STAB2: variants seen among roughly 807,000 people sequenced by gnomAD.
STAB2 encodes stabilin 2, also known as stabilin-2.
A neutral mutation model predicts 338.1 loss-of-function variants in STAB2; 288 were observed. The ratio of observed to expected loss-of-function variants is 0.85; its 90% CI spans 0.77 to 0.94. STAB2 has a LOEUF of 0.94. STAB2 is among the 40% of genes least tolerant of loss of function. STAB2 has a pLI of 0.00. For missense variants in STAB2, 3,141 were observed against 3,210.1 expected (o/e 0.98, Z 0.52); for synonymous variants, 1,202 against 1,193.3 (o/e 1.01, Z -0.15).
At chr12:103,668,160 G>C (rs187893982) in intron 19 of STAB2, among the ~76,000 whole-genome samples, 1 of 152,180 alleles carries the variant, frequency 6.6e-6, no homozygotes, top group South Asian at 2.1e-4. Flanking sequence ...AGTGGGCATT[G>C]TTGGTTAGAA....
chr12:103,734,310 C>T (rs1355313206), intron 51 of STAB2, among the ~76,000 whole-genome samples: 3 of 150,476 alleles, frequency 2.0e-5, no homozygotes, highest in Non-Finnish European at 4.4e-5. Flanking sequence ...TAGGAACAAG[C>T]GCGATCATAT....
chr12:103,735,905 G>C (rs1232979604), intron 52 of STAB2, among the ~76,000 whole-genome samples: 1 of 152,116 alleles, frequency 6.6e-6, no homozygotes, highest in African/African-American at 2.4e-5. Flanking sequence ...AAAGTATACA[G>C]TCATTCCTTT....
In STAB2 at chr12:103,761,410, GGTGA is replaced by G; in HGVS notation, c.7359+3_7359+6del. 1 of 1,613,142 alleles carries G rather than the reference GGTGA, an allele frequency of 6.2e-7. No homozygotes were observed. Among genetic ancestry groups the G allele is most frequent in the Non-Finnish European group, 8.5e-7 (1 of 1,179,864 alleles). ...CTTTAAAAGCACCCCCTGCCCCCGTGGTGAGTATCTAGGGTCCCTGATAACGGGC... is the reference window on the plus strand; with the variant it reads ...CTTTAAAAGCACCCCCTGCCCCCGTGGTATCTAGGGTCCCTGATAACGGGC... On this transcript the variant is annotated splice_donor_variant and splice_donor_region_variant and intron_variant, in intron 66 of 68. Transcript: ENST00000388887. LOFTEE classifies it high-confidence loss of function.
At position 103,587,562 on chromosome 12, in the gene STAB2, G is replaced by C. The variant is rs1413524830; in HGVS notation, c.81+5G>C. ...CCAGCTGAAACCACAGGGCAGGTAAGAGGAGACTTACATATTTTTTTCATT... is the reference window on the plus strand; with the variant it reads ...CCAGCTGAAACCACAGGGCAGGTAACAGGAGACTTACATATTTTTTTCATT... On this transcript the variant is annotated splice_donor_5th_base_variant and intron_variant, in intron 1 of 68. Coordinates refer to ENST00000388887, the MANE Select transcript of STAB2 (RefSeq NM_017564.10). 1.2e-5 allele frequency: 20 copies of C among 1,611,942 alleles called. No individual in the cohort carries two copies. Among genetic ancestry groups the C allele is most frequent in the Admixed American group, 6.7e-5 (4 of 59,920 alleles).
chr12:103,625,078 T>A (rs987650490), intron 5 of STAB2, among the ~76,000 whole-genome samples: 3 of 152,162 alleles, frequency 2.0e-5, no homozygotes, highest in African/African-American at 7.2e-5. Context: ...TACCCTTCCC[T>A]GCCATTTAAG....
chr12:103,609,479 C>T (rs1957086534), intron 3 of STAB2, among the ~76,000 whole-genome samples: 1 of 152,142 alleles, frequency 6.6e-6, no homozygotes, highest in Non-Finnish European at 1.5e-5. Flanking sequence ...CATGATTTGG[C>T]TCTCTGTTTG....
chr12:103,699,262 A>G, intron 34 of STAB2, 35 bp downstream of exon 34: 1 of 1,586,294 alleles, frequency 6.3e-7, no homozygotes, highest in Non-Finnish European at 8.6e-7. Flanking sequence ...CAGCAATGCC[A>G]CCGAGAATTA....
chr12:103,677,339 A>T, intron 24 of STAB2, 114 bp from the exon 25 acceptor site: 1 of 1,364,032 alleles, frequency 7.3e-7, no homozygotes, highest in Non-Finnish European at 1.0e-6. Context: ...TTTCCACCTC[A>T]CTCAATGCAA....
At chr12:103,672,582 T>G (rs1875918086) in intron 22 of STAB2, among the ~76,000 whole-genome samples, 1 of 152,168 alleles carries the variant, frequency 6.6e-6, no homozygotes, top group Admixed American at 6.5e-5. Context: ...GGATGATGGC[T>G]CCAAGCACCC....
At chr12:103,637,063 A>T (rs370856507) in intron 6 of STAB2, 48 bp from the exon 7 acceptor site, 8 of 1,541,582 alleles carry the variant, frequency 5.2e-6, no homozygotes, top group African/African-American at 2.8e-5. Context: ...GGGTCTTAAG[A>T]ACTGGTTATT....
chr12:103,725,768 G>A (rs775054322), intron 45 of STAB2, among the ~76,000 whole-genome samples: 10 of 152,174 alleles, frequency 6.6e-5, no homozygotes, highest in Non-Finnish European at 8.8e-5. Context: ...AAAATGTTCC[G>A]GCTGATCAAA....
intron 56 of STAB2, among the ~76,000 whole-genome samples, 189 bp downstream of exon 56, chr12:103,742,743 G>T (rs182243993): frequency 6.6e-6 from 1 of 152,212 alleles, no homozygotes; most frequent in African/African-American, 2.4e-5. Context: ...AAAAAGCTTC[G>T]CCTCTAGAAG....
At chr12:103,711,204 T>G in intron 39 of STAB2, 1 of 471,098 alleles carries the variant, frequency 2.1e-6, no homozygotes, top group Non-Finnish European at 3.7e-6. Flanking sequence ...CCAGGGAGAA[T>G]TCTGTGTTTT....
chr12:103,757,780 C>T (rs1212294017), intron 63 of STAB2: 1 of 230,126 alleles, frequency 4.3e-6, no homozygotes, highest in Non-Finnish European at 8.9e-6. Flanking sequence ...ACAAGCTAGG[C>T]CTGGGGTCAG....
At chr12:103,669,432 G>A (rs1014116498) in intron 20 of STAB2, 109 bp from the exon 21 acceptor site, 23 of 951,004 alleles carry the variant, frequency 2.4e-5, no homozygotes, top group South Asian at 5.7e-5. Context: ...AACCTCATAA[G>A]GAGAGGCGAA....
Position 103,690,521 on chromosome 12 carries a change from T to G in STAB2, c.3280T>G (p.Leu1094Val). The part of the protein sequence containing the change: ...ATSLQGNFLH[L>V]AKVDGNITIE... Reference sequence around the variant, plus strand: ...ATCTTTGCAGGGCAACTTCCTTCACTTGGCAAAGGTGGATGGGGTAAGAGC... The same window carrying G: ...ATCTTTGCAGGGCAACTTCCTTCACGTGGCAAAGGTGGATGGGGTAAGAGC... Residue 1094 changes from leucine to valine, a missense_variant, in exon 30 of 69, where the codon TTG becomes GTG. Transcript: ENST00000388887. 1 of 1,614,040 alleles carries G rather than the reference T, an allele frequency of 6.2e-7. No individual in the cohort carries two copies. Among genetic ancestry groups the G allele is most frequent in the Non-Finnish European group, 8.5e-7 (1 of 1,179,924 alleles).
chr12:103,589,558 T>C (rs1956764315), intron 1 of STAB2, among the ~76,000 whole-genome samples: 1 of 152,206 alleles, frequency 6.6e-6, no homozygotes. Flanking sequence ...CACAGCATAT[T>C]TCTAAGAGTT....
At chr12:103,691,179 G>A (rs945467509) in intron 30 of STAB2, among the ~76,000 whole-genome samples, 3 of 152,178 alleles carry the variant, frequency 2.0e-5, no homozygotes, top group African/African-American at 4.8e-5. Flanking sequence ...CCTGCTGCAC[G>A]GGCAGTGTTT....
Position 103,766,423 on chromosome 12 carries a change from G to T in STAB2, c.*87G>T. ...TCAGCACCAGTTGCCTTTTAGGAAC[G>T]TAAAGTCCTTTAAGCACTCAGAAGC... is the stretch of plus-strand genomic sequence containing the variant. On this transcript the variant is annotated 3_prime_UTR_variant, in exon 69 of 69. Coordinates refer to ENST00000388887, the MANE Select transcript of STAB2 (RefSeq NM_017564.10). 6.8e-7 allele frequency: 1 copy of T among 1,472,696 alleles called. No individual in the cohort carries two copies. The highest frequency in any genetic ancestry group is 9.2e-7 in the Non-Finnish European group (1 of 1,084,798). The allele number at this position is 1,472,696 out of a possible 1,614,324, so 91.2% of individuals were successfully genotyped here. A position where few individuals can be genotyped will look rare whatever the true frequency, so the allele number is the denominator to read the frequency against.
Sources: allele counts gnomAD v4.1 joint callset (sites outside exome capture counted in the v4.1 genomes callset), GRCh38; gene constraint gnomAD v4.1.1; transcripts MANE v1.5; gene names NCBI Gene and HGNC (gene_info 2026-07-23, HGNC 2026-07-21).